ECE1: variants seen among roughly 807,000 people sequenced by gnomAD.
ECE1 encodes the protein endothelin-converting enzyme 1.
A neutral mutation model predicts 98.6 loss-of-function variants in ECE1; 35 were observed. The ratio of observed to expected loss-of-function variants is 0.35; its 90% CI spans 0.27 to 0.47. The LOEUF is 0.47. Among genes scored for constraint, ECE1 ranks in the 20% least tolerant of loss-of-function variants. The pLI is 1.00. For synonymous variants in ECE1, 394 were observed against 407.1 expected (o/e 0.97, Z 0.39); for missense variants, 814 against 1,025.3 (o/e 0.79, Z 2.81).
At chr1:21,262,257 C>T (rs2103298980) in intron 4 of ECE1, among the ~76,000 whole-genome samples, 1 of 152,278 alleles carries the variant, frequency 6.6e-6, no homozygotes, top group Middle Eastern at 3.4e-3. Context: ...AGACCATGGG[C>T]TACTGGGTTG....
chr1:21,237,730 G>A (rs1043572607), intron 11 of ECE1, among the ~76,000 whole-genome samples: 7 of 152,184 alleles, frequency 4.6e-5, no homozygotes, highest in African/African-American at 9.6e-5. Context: ...AGGCCGGGCT[G>A]TCTCCAAGGC....
chr1:21,337,547 C>T (rs1362598113), intron 1 of ECE1, among the ~76,000 whole-genome samples: 1 of 152,114 alleles, frequency 6.6e-6, no homozygotes, highest in African/African-American at 2.4e-5. Flanking sequence ...TATACTATAC[C>T]ACAATTTTTA....
intron 8 of ECE1, 37 bp from the exon 9 acceptor site, chr1:21,247,400 G>T: frequency 3.1e-6 from 5 of 1,614,064 alleles, no homozygotes; most frequent in Non-Finnish European, 4.2e-6. Flanking sequence ...CTGTGGGGCT[G>T]CTCCTCCTCA....
At chr1:21,262,415 C>T (rs1489013891) in intron 4 of ECE1, among the ~76,000 whole-genome samples, 3 of 152,182 alleles carry the variant, frequency 2.0e-5, no homozygotes, top group Non-Finnish European at 2.9e-5. Flanking sequence ...CCAGGGGCCT[C>T]GTTCCTATGG....
chr1:21,306,815 G>A (rs984968469), intron 1 of ECE1, among the ~76,000 whole-genome samples: 2 of 152,164 alleles, frequency 1.3e-5, no homozygotes, highest in Non-Finnish European at 1.5e-5. Flanking sequence ...GGGCAGCAGC[G>A]AGGTGTGCTC....
At chr1:21,336,905 C>T (rs1290049941) in intron 1 of ECE1, among the ~76,000 whole-genome samples, 1 of 152,008 alleles carries the variant, frequency 6.6e-6, no homozygotes, top group Non-Finnish European at 1.5e-5. Context: ...GTGGCAAACG[C>T]CTGTAATCCC....
intron 1 of ECE1, among the ~76,000 whole-genome samples, chr1:21,317,310 G>A (rs1360968090): frequency 2.0e-5 from 3 of 152,200 alleles, no homozygotes; most frequent in Non-Finnish European, 4.4e-5. Flanking sequence ...GGACTCTTCT[G>A]AGAATTAAAC....
At chr1:21,336,498 C>T (rs1248000683) in intron 1 of ECE1, among the ~76,000 whole-genome samples, 4 of 152,100 alleles carry the variant, frequency 2.6e-5, no homozygotes, top group Admixed American at 2.6e-4. Context: ...AGTTCGAGAC[C>T]AGGCTGGCCA....
rs756981559 is a variant in ECE1, at chr1:21,235,899, T to C, written c.1517A>G (p.Tyr506Cys). The C allele has an allele frequency of 6.2e-7, 1 of 1,614,138 alleles. No individual in the cohort carries two copies. Among genetic ancestry groups the C allele is most frequent in the East Asian group, 2.2e-5 (1 of 44,878 alleles). ...KADAIYNMIG[Y>C]PNFIMDPKEL... ...CTTGGGATCCATGATGAAGTTGGGG[T>C]ATCCTATCATGTTGTAGATGGCATC... Residue 506 changes from tyrosine to cysteine, a missense_variant, in exon 13 of 19, where the codon TAC becomes TGC. By Grantham distance (194) the Tyr-to-Cys change is radical (BLOSUM62 -2). Coordinates refer to ENST00000374893, the MANE Select transcript of ECE1 (RefSeq NM_001397.3). The surrounding 1 kb of genome is among the most constrained non-coding windows in gnomAD (Gnocchi z 4.2).
chr1:21,234,367 C>T (rs963368678), intron 13 of ECE1, among the ~76,000 whole-genome samples: 15 of 150,500 alleles, frequency 1.0e-4, no homozygotes, highest in Middle Eastern at 3.4e-3. Context: ...ATTTAAATAG[C>T]CACCTGTGGC....
chr1:21,285,223 C>T (rs1200101963), intron 2 of ECE1, among the ~76,000 whole-genome samples: 2 of 152,266 alleles, frequency 1.3e-5, no homozygotes, highest in East Asian at 3.9e-4. Context: ...TAGCAAGAAT[C>T]AAAGGCTAAT....
At position 21,319,697 on chromosome 1, in the gene ECE1, C is replaced by T. The variant is rs1372474314; in HGVS notation, c.3+25679G>A. Among the ~76,000 whole-genome samples, 4 of 152,214 alleles carry T rather than the reference C, an allele frequency of 2.6e-5. No homozygotes were observed. Among genetic ancestry groups the T allele is most frequent in the Non-Finnish European group, 5.9e-5 (4 of 68,046 alleles). On this transcript the variant is annotated intron_variant, in intron 1 of 18. Transcript: ENST00000415912. The surrounding 1 kb of genome is among the most constrained non-coding windows in gnomAD (Gnocchi z 4.4). ...CTCCTGAGACCTGGCTCCTCATTCT[C>T]GCCACTCCCTACCAGGCACCGGGAG... is the stretch of plus-strand genomic sequence containing the variant.
rs139910682 is a variant in ECE1 at position 21,268,115 on chromosome 1, A to G, written c.493+4584T>C. Among the ~76,000 whole-genome samples the G allele has an allele frequency of 7.4e-3, 1,125 of 152,302 alleles. 7 individuals carry two copies. Among genetic ancestry groups the G allele is most frequent in the African/African-American group, 0.015 (640 of 41,572 alleles). On this transcript the variant is annotated intron_variant, in intron 4 of 18. Coordinates refer to ENST00000374893, the MANE Select transcript of ECE1 (RefSeq NM_001397.3). The stretch of plus-strand genomic sequence containing the variant: ...GTGTACTTGTAGCTCAAGCCTAGAG[A>G]GGCCCTTTGGTAGCCACAGAAGACA...
chr1:21,268,182 G>A lies in ECE1; in HGVS notation c.493+4517C>T, dbSNP rs544525489. 5.3e-5 allele frequency among the ~76,000 whole-genome samples: 8 copies of A among 152,342 alleles called. No homozygotes were observed. In the South Asian group the frequency reaches 1.7e-3, roughly 32 times the overall value. On this transcript the variant is annotated intron_variant, in intron 4 of 18. Coordinates refer to ENST00000374893, the MANE Select transcript of ECE1 (RefSeq NM_001397.3). ...TGAGAAAAGTCTCGGAGGCTTTGGAGGGGGTGGTGTAGGCTCTCTAGCTGG... is the reference window on the plus strand; with the variant it reads ...TGAGAAAAGTCTCGGAGGCTTTGGAAGGGGTGGTGTAGGCTCTCTAGCTGG...
At chr1:21,231,531 G>A (rs1184338904) in intron 14 of ECE1, among the ~76,000 whole-genome samples, 4 of 152,022 alleles carry the variant, frequency 2.6e-5, no homozygotes, top group African/African-American at 7.3e-5. Flanking sequence ...TAGTAGAGAC[G>A]GGATTTCACC....
At chr1:21,246,372 G>A (rs1440833762) in intron 9 of ECE1, among the ~76,000 whole-genome samples, 6 of 151,470 alleles carry the variant, frequency 4.0e-5, no homozygotes, top group South Asian at 2.1e-4. Context: ...GGTGGCAGGC[G>A]CCTATAATCC....
In ECE1 at chr1:21,258,330, G is replaced by A. The variant is rs541058473; in HGVS notation, c.762+363C>T. Among the ~76,000 whole-genome samples, 30 of 152,270 alleles carry A rather than the reference G, an allele frequency of 2.0e-4. No individual in the cohort carries two copies. Among genetic ancestry groups the A allele is most frequent in the African/African-American group, 6.5e-4 (27 of 41,562 alleles). ...CTGGGCAGGCTGAGCCTCTGTCTGG[G>A]GCATGCTCTGACAGGGAGAGATGGA... On this transcript the variant is annotated intron_variant, in intron 6 of 18. Coordinates refer to ENST00000374893, the MANE Select transcript of ECE1 (RefSeq NM_001397.3). This position sits in a 1 kb window ranked among gnomAD's most constrained non-coding sequence, Gnocchi z 4.2.
chr1:21,340,999 C>T lies in ECE1; in HGVS notation c.3+4377G>A, dbSNP rs968622882. On this transcript the variant is annotated intron_variant, in intron 1 of 18. Coordinates refer to the ECE1 transcript ENST00000415912. The surrounding 1 kb of genome is among the most constrained non-coding windows in gnomAD (Gnocchi z 4.6). Reference sequence around the variant, plus strand: ...TCCAGATGAACCATCCCTGAAGGCACAGCGGTCTGTACTCTTGCACATTCT... The same window carrying T: ...TCCAGATGAACCATCCCTGAAGGCATAGCGGTCTGTACTCTTGCACATTCT... 5.9e-5 allele frequency among the ~76,000 whole-genome samples: 9 copies of T among 152,112 alleles called. No homozygotes were observed. Among genetic ancestry groups the T allele is most frequent in the African/African-American group, 2.2e-4 (9 of 41,408 alleles).
chr1:21,312,182 C>T (rs996644385), intron 1 of ECE1, among the ~76,000 whole-genome samples: 12 of 142,596 alleles, frequency 8.4e-5, no homozygotes, highest in African/African-American at 2.6e-4. Context: ...ACATACCTAT[C>T]GTCCTAGCTA....
Sources: gnomAD v4.1 joint callset for allele counts (sites outside exome capture counted in the v4.1 genomes callset) on GRCh38, gnomAD v4.1.1 for gene constraint, Gnocchi (gnomAD v3.1) non-coding constraint, MANE v1.5 for transcripts, NCBI Gene and HGNC (gene_info 2026-07-23, HGNC 2026-07-21) for gene names.